Variants in CD163 observed in about 807,000 individuals in gnomAD.
The protein encoded by CD163 is CD163 molecule, also known as scavenger receptor cysteine-rich type 1 protein M130.
A neutral mutation model predicts 129.2 loss-of-function variants in CD163; 64 were observed. The observed-to-expected ratio is 0.50, with a 90% CI of 0.41 to 0.61. The LOEUF (loss-of-function observed/expected upper bound fraction) is 0.61, where lower values mean the gene tolerates loss of function less well. Among genes scored for constraint, CD163 ranks in the 20% least tolerant of loss-of-function variants. CD163 has a pLI of 0.00. For missense variants in CD163, 1,061 were observed against 1,377.9 expected (o/e 0.77, Z 3.64); for synonymous variants, 446 against 478.5 (o/e 0.93, Z 0.89).
At chr12:7,473,780 CA>C (rs1172218345) in intron 16 of CD163, among the ~76,000 whole-genome samples, 1 of 152,030 alleles carries the variant, frequency 6.6e-6, no homozygotes, top group East Asian at 1.9e-4. Flanking sequence ...CACAGACTGG[CA>C]AATTGGATAA....
chr12:7,501,507 G>A, intron 2 of CD163, 45 bp from the exon 3 acceptor site: 2 of 1,454,000 alleles, frequency 1.4e-6, no homozygotes, highest in Non-Finnish European at 1.9e-6. Flanking sequence ...GTCGCAAAGA[G>A]CAAGTAGAAA....
chr12:7,495,663 A>T (rs1305910349), intron 5 of CD163, among the ~76,000 whole-genome samples: 1 of 152,244 alleles, frequency 6.6e-6, no homozygotes, highest in Non-Finnish European at 1.5e-5. Flanking sequence ...AAGTGGGTGA[A>T]GGGTATGAAC....
At chr12:7,497,679 C>T (rs777070243) in intron 4 of CD163, among the ~76,000 whole-genome samples, 5 of 152,290 alleles carry the variant, frequency 3.3e-5, no homozygotes, top group East Asian at 1.9e-4. Flanking sequence ...AAAGAACAGA[C>T]GTTGATTCTG....
chr12:7,490,241 A>G (rs1949309800), intron 6 of CD163, among the ~76,000 whole-genome samples: 1 of 152,072 alleles, frequency 6.6e-6, no homozygotes, highest in African/African-American at 2.4e-5. Context: ...CCAAATACAC[A>G]GTGTGTGAAA....
intron 16 of CD163, among the ~76,000 whole-genome samples, chr12:7,476,568 C>T: frequency 6.6e-6 from 1 of 152,134 alleles, no homozygotes; most frequent in East Asian, 1.9e-4. Context: ...CTTCCTTACA[C>T]CGTATACAAA....
rs181474796 is a variant in CD163, at chr12:7,480,036, C to A, written c.3344-123G>T. ...ATAATTACTGGGAAATAAACCAGAC[C>A]TCTTCTCACGTAACTGTGAGGCTCT... On this transcript the variant is annotated intron_variant, in intron 15 of 16. Coordinates refer to ENST00000432237, the MANE Select transcript of CD163 (RefSeq NM_203416.4). The A allele has an allele frequency of 2.3e-5, 37 of 1,588,862 alleles. No homozygotes were observed. In the African/African-American group the frequency reaches 4.3e-4, roughly 19 times the overall value.
Position 7,499,042 on chromosome 12 carries a change from A to C in CD163, c.604T>G (p.Cys202Gly), listed in dbSNP as rs780841237. 1 of 1,614,204 alleles carries C rather than the reference A, an allele frequency of 6.2e-7. No individual in the cohort carries two copies. The highest frequency in any genetic ancestry group is 1.1e-5 in the South Asian group (1 of 91,086). ...HASVICRQLE[C>G]GSAVSFSGSS... ...CCAGAGAAACTGACAGCACTTCCACATTCAAGTTGTCTACAAATGACAGAT... is the reference window on the plus strand; with the variant it reads ...CCAGAGAAACTGACAGCACTTCCACCTTCAAGTTGTCTACAAATGACAGAT... The change falls in exon 4 of 17, where the codon TGT becomes GGT. Residue 202 changes from cysteine to glycine, a missense_variant. By Grantham distance (159) the Cys-to-Gly change is radical. Transcript: ENST00000432237.
chr12:7,482,496 G>T (rs1379512689), intron 14 of CD163, 147 bp downstream of exon 14: 2 of 831,446 alleles, frequency 2.4e-6, no homozygotes, highest in Non-Finnish European at 3.8e-6. Flanking sequence ...GAGCCACTGT[G>T]CCTGGCCCTT....
intron 3 of CD163, among the ~76,000 whole-genome samples, chr12:7,500,446 T>C (rs1366378524): frequency 1.2e-5 from 1 of 80,382 alleles, no homozygotes; most frequent in South Asian, 4.0e-4. Flanking sequence ...AAAAAAGGAA[T>C]GAAACAAACA....
intron 16 of CD163, among the ~76,000 whole-genome samples, chr12:7,472,149 C>A (rs1949014323): frequency 6.6e-6 from 1 of 152,238 alleles, no homozygotes; most frequent in African/African-American, 2.4e-5. Flanking sequence ...CTTAAACATT[C>A]CTGTCTTCTG....
intron 4 of CD163, 70 bp downstream of exon 4, chr12:7,498,798 C>G: frequency 7.2e-7 from 1 of 1,391,908 alleles, no homozygotes; most frequent in Non-Finnish European, 9.8e-7. Flanking sequence ...AGAGTTCAGG[C>G]TCTTAAGATT....
In CD163 at chr12:7,488,093, A is replaced by T. The variant is rs199516138; in HGVS notation, c.1421-6T>A. 1.3e-6 allele frequency: 2 copies of T among 1,596,770 alleles called. No individual in the cohort carries two copies. Among genetic ancestry groups the T allele is most frequent in the East Asian group, 2.3e-5 (1 of 44,438 alleles). ...CAGTCTGGGTTCCCTGTGGGCTGAA[A>T]AATAAATATTATTTCAGTGAGAGGT... On this transcript the variant is annotated splice_region_variant and splice_polypyrimidine_tract_variant and intron_variant, in intron 6 of 16. Coordinates refer to ENST00000432237, the MANE Select transcript of CD163 (RefSeq NM_203416.4).
At chr12:7,481,126 C>A (rs1175560136) in intron 15 of CD163, 35 bp downstream of exon 15, 1 of 1,609,532 alleles carries the variant, frequency 6.2e-7, no homozygotes, top group Non-Finnish European at 8.5e-7. Flanking sequence ...CTGATCTGAA[C>A]CCCTGGGCAA....
rs1949330678 is a variant in CD163 at position 7,491,865 on chromosome 12, T to A, written c.1420+3216A>T. On this transcript the variant is annotated intron_variant, in intron 6 of 16. Coordinates refer to ENST00000432237, the MANE Select transcript of CD163 (RefSeq NM_203416.4). The stretch of plus-strand genomic sequence containing the variant: ...CAAAATGTCTGAGATTCAAAGTAAT[T>A]TTGTGGCCAAAATTTCCTAGACCTT... 2.0e-5 allele frequency among the ~76,000 whole-genome samples: 3 copies of A among 152,224 alleles called. No individual in the cohort carries two copies. The South Asian group carries it at 6.2e-4, about 32-fold the overall frequency.
intron 4 of CD163, among the ~76,000 whole-genome samples, chr12:7,497,394 G>A (rs1408764420): frequency 6.6e-6 from 1 of 152,198 alleles, no homozygotes; most frequent in Non-Finnish European, 1.5e-5. Flanking sequence ...ATTTCATCTA[G>A]AGACCTGCTA....
chr12:7,486,128 T>C (rs1177967818), intron 10 of CD163, among the ~76,000 whole-genome samples: 2 of 152,222 alleles, frequency 1.3e-5, no homozygotes, highest in African/African-American at 4.8e-5. Context: ...TGTAGAATGA[T>C]GCAACATATA....
intron 4 of CD163, 113 bp downstream of exon 4, chr12:7,498,755 G>T: frequency 9.6e-7 from 1 of 1,038,950 alleles, no homozygotes; most frequent in Non-Finnish European, 1.4e-6. Context: ...TTAAAATGCG[G>T]TGACAAAAGA....
Position 7,487,234 on chromosome 12 carries a change from A to G in CD163, c.2050+125T>C. 1 of 1,123,820 alleles carries G rather than the reference A, an allele frequency of 8.9e-7. No individual in the cohort carries two copies. Among genetic ancestry groups the G allele is most frequent in the Non-Finnish European group, 1.2e-6 (1 of 808,968 alleles). 69.6% of individuals were successfully genotyped at this position (1,123,820 alleles called of 1,614,324 possible). On this transcript the variant is annotated intron_variant, in intron 8 of 16. Transcript: ENST00000432237. This position sits in a 1 kb window ranked among gnomAD's most constrained non-coding sequence, Gnocchi z 5.1. ...AAGACAAATGAGGTTAATATTCTGA[A>G]GCATGAATTAGTATTCATTCTTCTC...
In CD163 at chr12:7,486,572, A is replaced by T. The variant is rs1949251854; in HGVS notation, c.2385T>A (p.Ile795=). The T allele has an allele frequency of 6.2e-7, 1 of 1,614,100 alleles. No homozygotes were observed. The highest frequency in any genetic ancestry group is 8.5e-7 in the Non-Finnish European group (1 of 1,180,040). Residue 795 remains isoleucine (I), a synonymous_variant, in exon 10 of 17, where the codon ATT becomes ATA. Coordinates refer to ENST00000432237, the MANE Select transcript of CD163 (RefSeq NM_203416.4). ...EMKCNGKESR[I]WQCHSHGWGQ... ...CCCAGCCGTGTGAATGGCACTGCCA[A>T]ATGCGGGATTCTTTTCCATTGCATT...
Sources: allele counts gnomAD v4.1 joint callset (sites outside exome capture counted in the v4.1 genomes callset), GRCh38; gene constraint gnomAD v4.1.1; non-coding constraint Gnocchi (gnomAD v3.1); transcripts MANE v1.5; gene names NCBI Gene and HGNC (gene_info 2026-07-23, HGNC 2026-07-21).